GLB1L3: variants seen among roughly 807,000 people sequenced by gnomAD.
GLB1L3 encodes the protein galactosidase beta 1 like 3, also known as beta-galactosidase-1-like protein 3.
GLB1L3 carries 89 observed loss-of-function variants against 89.5 expected under a neutral mutation model. The ratio of observed to expected loss-of-function variants is 0.99; its 90% CI spans 0.84 to 1.19. The LOEUF is 1.19. Among genes scored for constraint, GLB1L3 ranks in the 50% most tolerant of loss-of-function variants. GLB1L3 has a pLI of 0.00. For synonymous variants in GLB1L3, 314 were observed against 312.3 expected, an observed-to-expected ratio of 1.01 and a Z score of -0.06; for missense variants, 812 against 813.3, an observed-to-expected ratio of 1.00 and a Z score of 0.02.
intron 1 of GLB1L3, chr11:134,277,078 G>T: frequency 1.7e-6 from 1 of 588,382 alleles, no homozygotes; most frequent in East Asian, 2.9e-5. Flanking sequence ...GGCACCCACC[G>T]GCACTGCCCA....
downstream of GLB1L3, among the ~76,000 whole-genome samples, chr11:134,319,953 TC>T (rs1943142965): frequency 6.6e-6 from 1 of 152,126 alleles, no homozygotes; most frequent in South Asian, 2.1e-4. Flanking sequence ...GTCTTCTTAC[TC>T]CCTGTCTATC....
chr11:134,288,866 A>G lies in GLB1L3; in HGVS notation c.705A>G (p.Lys235=). The change falls in exon 7 of 20, where the codon AAA becomes AAG. Residue 235 remains lysine (K), a synonymous_variant. Transcript: ENST00000431683. The part of the protein sequence containing the change: ...ENEYGSFNKD[K]TYMPYLHKAL... ...AGTATGGCTCATTCAATAAGGATAA[A>G]ACATACATGCCGTATCTCCACAAGG... 1 of 1,612,686 alleles carries G rather than the reference A, an allele frequency of 6.2e-7. No homozygotes were observed. The highest frequency in any genetic ancestry group is 1.1e-5 in the South Asian group (1 of 90,856).
At chr11:134,282,227 G>T (rs1312877681) in intron 5 of GLB1L3, 107 bp downstream of exon 5, 4 of 1,330,160 alleles carry the variant, frequency 3.0e-6, no homozygotes, top group Non-Finnish European at 3.0e-6. Context: ...TCACGGAGCC[G>T]ATGGGAGGTG....
At chr11:134,285,721 G>A (rs938468637) in intron 6 of GLB1L3, among the ~76,000 whole-genome samples, 1 of 152,144 alleles carries the variant, frequency 6.6e-6, no homozygotes, top group African/African-American at 2.4e-5. Flanking sequence ...GCAGTGACCT[G>A]AGATCGTGCC....
chr11:134,279,354 TTTTC>T (rs955849096), intron 3 of GLB1L3, among the ~76,000 whole-genome samples: 4 of 139,418 alleles, frequency 2.9e-5, no homozygotes, highest in African/African-American at 1.1e-4. Context: ...TTTCTTTCTG[TTTTC>T]TTTTTCTTTT....
chr11:134,292,256 C>T (rs1259417116), intron 8 of GLB1L3, 43 bp downstream of exon 8: 2 of 1,444,178 alleles, frequency 1.4e-6, no homozygotes, highest in Admixed American at 3.5e-5. Flanking sequence ...GGGCTCTCAG[C>T]CAGCCCGTGT....
chr11:134,312,094 A>T (rs1942761071), intron 13 of GLB1L3: 4 of 420,236 alleles, frequency 9.5e-6, no homozygotes, highest in Non-Finnish European at 1.7e-5. Context: ...CCTGCGCCCC[A>T]TCCATTTCCT....
chr11:134,323,091 C>T (rs939159442), downstream of GLB1L3, among the ~76,000 whole-genome samples: 4 of 152,182 alleles, frequency 2.6e-5, no homozygotes, highest in Non-Finnish European at 5.9e-5. Context: ...TTTAAGCTCT[C>T]TTTTTGATTA....
At chr11:134,293,084 C>T in intron 8 of GLB1L3, 61 bp from the exon 9 acceptor site, 1 of 1,440,226 alleles carries the variant, frequency 6.9e-7, no homozygotes, top group Non-Finnish European at 9.8e-7. Context: ...GGGCGCATTC[C>T]TTCCCTTCCC....
At chr11:134,299,162 T>G (rs548198495) in intron 9 of GLB1L3, among the ~76,000 whole-genome samples, 36 of 152,190 alleles carry the variant, frequency 2.4e-4, no homozygotes, top group East Asian at 2.3e-3. Context: ...TCCATTTGCT[T>G]CTTTCTTAGT....
At chr11:134,308,452 C>CCAT (rs1942463633) in intron 10 of GLB1L3, among the ~76,000 whole-genome samples, 2 of 36,280 alleles carry the variant, frequency 5.5e-5, no homozygotes, top group Non-Finnish European at 1.0e-4. Context: ...ACCATCACCA[C>CCAT]CACCACCACC....
chr11:134,307,660 AG>A (rs145896366), intron 10 of GLB1L3, among the ~76,000 whole-genome samples: 13,784 of 152,294 alleles, frequency 0.091, 653 homozygotes, highest in Middle Eastern at 0.11. Context: ...AATAATAGTC[AG>A]GGGACAACAT....
chr11:134,296,864 A>ATAATAAT (rs71038574), intron 9 of GLB1L3, among the ~76,000 whole-genome samples: 2 of 147,162 alleles, frequency 1.4e-5, no homozygotes, highest in Admixed American at 6.8e-5. Context: ...AATAATAATA[A>ATAATAAT]AAACAAACAA....
chr11:134,309,758 G>A lies in GLB1L3; in HGVS notation c.1094G>A (p.Ser365Asn). ...YFGKHSGIVT[S>N]YDYDAVLTEA... Reference sequence around the variant, plus strand: ...GGGAAGCACTCGGGCATTGTCACCAGCTATGGCAAGTGTCGCTGGTGTAGT... The same window carrying A: ...GGGAAGCACTCGGGCATTGTCACCAACTATGGCAAGTGTCGCTGGTGTAGT... Residue 365 changes from serine (S) to asparagine (N), a missense_variant, in exon 11 of 20, where the codon AGC (serine) becomes AAC (asparagine). Coordinates refer to ENST00000431683, the MANE Select transcript of GLB1L3 (RefSeq NM_001080407.3). The A allele has an allele frequency of 6.2e-7, 1 of 1,613,106 alleles. No individual in the cohort carries two copies. The highest frequency in any genetic ancestry group is 2.2e-5 in the East Asian group (1 of 44,872).
chr11:134,324,614 C>G, the GLB1L3 span, among the ~76,000 whole-genome samples: 1 of 152,086 alleles, frequency 6.6e-6, no homozygotes, highest in Non-Finnish European at 1.5e-5. Flanking sequence ...TTTGTTCTGT[C>G]TGAGCTGAAA....
intron 18 of GLB1L3, among the ~76,000 whole-genome samples, chr11:134,314,821 T>C (rs579409): frequency 0.66 from 100,259 of 152,058 alleles, 33,790 homozygotes; most frequent in African/African-American, 0.73. Flanking sequence ...AGAATTGTAC[T>C]ATGTATTCTG....
chr11:134,308,434 C>T (rs1202056270), intron 10 of GLB1L3, among the ~76,000 whole-genome samples: 8 of 79,720 alleles, frequency 1.0e-4, no homozygotes, highest in Admixed American at 1.4e-4. Context: ...ACCATCACCA[C>T]CACCACCACC....
intron 7 of GLB1L3, among the ~76,000 whole-genome samples, chr11:134,289,506 CTG>C (rs1490313756): frequency 6.6e-6 from 1 of 152,168 alleles, no homozygotes; most frequent in African/African-American, 2.4e-5. Context: ...TTCATTTTCT[CTG>C]TGAATTTACA....
chr11:134,292,322 G>A (rs927442830), intron 8 of GLB1L3, 109 bp downstream of exon 8: 6 of 722,594 alleles, frequency 8.3e-6, no homozygotes, highest in African/African-American at 1.8e-5. Flanking sequence ...TCCCTTTCCC[G>A]TGTCCACTGG....
Sources: gnomAD v4.1 joint callset for allele counts (sites outside exome capture counted in the v4.1 genomes callset) on GRCh38, gnomAD v4.1.1 for gene constraint, MANE v1.5 for transcripts, NCBI Gene and HGNC (gene_info 2026-07-23, HGNC 2026-07-21) for gene names.